Variants in CDKN2AIP observed in about 807,000 individuals in gnomAD.
CDKN2AIP encodes the protein CDKN2A interacting protein, also known as CDKN2A-interacting protein.
A neutral mutation model predicts 44.1 loss-of-function variants in CDKN2AIP; 12 were observed. The observed-to-expected ratio is 0.27, with a 90% CI of 0.17 to 0.44. The LOEUF (loss-of-function observed/expected upper bound fraction) is 0.44. Ranked by LOEUF, CDKN2AIP falls within the 20% of genes least tolerant of loss-of-function variation. CDKN2AIP has a pLI of 1.00. For missense variants in CDKN2AIP, 705 were observed against 681.6 expected, an observed-to-expected ratio of 1.03 and a Z score of -0.38; for synonymous variants, 291 against 272.1, an observed-to-expected ratio of 1.07 and a Z score of -0.68.
At position 183,448,547 on chromosome 4, in the gene CDKN2AIP, C is replaced by G. The variant is rs1349700533; in HGVS notation, c.*1120C>G. ...GCCTGTTTGTCTGTCATTGTATATT[C>G]TGTTTACTTTGCTTCAAACTGGCCC... is the stretch of plus-strand genomic sequence containing the variant. On this transcript the variant is annotated 3_prime_UTR_variant, in exon 3 of 3. Coordinates refer to ENST00000504169, the MANE Select transcript of CDKN2AIP (RefSeq NM_017632.4). 6.6e-6 allele frequency among the ~76,000 whole-genome samples: 1 copy of G among 152,074 alleles called. No individual in the cohort carries two copies. Among genetic ancestry groups the G allele is most frequent in the East Asian group, 1.9e-4 (1 of 5,202 alleles).
chr4:183,446,907 A>G lies in CDKN2AIP; in HGVS notation c.1223A>G (p.Gln408Arg), dbSNP rs1156745898. 1 of 1,614,210 alleles carries G rather than the reference A, an allele frequency of 6.2e-7. No individual in the cohort carries two copies. Among genetic ancestry groups the G allele is most frequent in the Non-Finnish European group, 8.5e-7 (1 of 1,180,022 alleles). ...AGTAGTTCTCAGACTAGCACCTCAC[A>G]GTTGCCTTCTAAAAGTACTTCACAG... ...SKSSSQTSTS[Q>R]LPSKSTSQSS... Residue 408 changes from glutamine to arginine, a missense_variant, in exon 3 of 3, where the codon CAG becomes CGG. Physicochemically the swap from Gln to Arg is conservative, Grantham distance 43. Around this residue, in one of 2 missense-constraint regions of CDKN2AIP, gnomAD observed 592 missense variants for 518.0 expected, o/e 1.14. Coordinates refer to ENST00000504169, the MANE Select transcript of CDKN2AIP (RefSeq NM_017632.4).
rs758351758 is a variant in CDKN2AIP, at chr4:183,446,707, C to G, written c.1023C>G (p.Gly341=). The G allele has an allele frequency of 6.2e-7, 1 of 1,614,166 alleles. No individual in the cohort carries two copies. Among genetic ancestry groups the G allele is most frequent in the South Asian group, 1.1e-5 (1 of 91,082 alleles). ...TTGCTAAAAACAGTTCCTCATCAGG[C>G]ACATCCTTACTGACTCCCAAGAGCA... The part of the protein sequence containing the change: ...SSVAKNSSSS[G]TSLLTPKSSS... The change falls in exon 3 of 3, where the codon GGC becomes GGG. Residue 341 remains glycine, a synonymous_variant. Coordinates refer to ENST00000504169, the MANE Select transcript of CDKN2AIP (RefSeq NM_017632.4).
intron 1 of CDKN2AIP, 158 bp from the exon 2 acceptor site, chr4:183,445,377 C>A (rs370738578): frequency 1.5e-6 from 1 of 652,642 alleles, no homozygotes; most frequent in Non-Finnish European, 2.6e-6. Context: ...CCTCCCAGAC[C>A]CTGGGGCACT....
In CDKN2AIP at chr4:183,444,752, C is replaced by G; in HGVS notation, c.-46C>G. The G allele has an allele frequency of 1.4e-6, 2 of 1,475,298 alleles. No individual in the cohort carries two copies. The highest frequency in any genetic ancestry group is 2.3e-5 in the Admixed American group (1 of 43,582). 91.4% of individuals were successfully genotyped at this position (1,475,298 alleles called of 1,614,324 possible). On this transcript the variant is annotated 5_prime_UTR_variant, in exon 1 of 3. Transcript: ENST00000504169. ...GACAGGGCCGCTCGCCCCGCTAGTC[C>G]TGCCTGTCTCCCGGTGCAGCTGTGT...
intron 1 of CDKN2AIP, 143 bp downstream of exon 1, chr4:183,445,212 A>AG (rs1211531829): frequency 1.0e-6 from 1 of 979,084 alleles, no homozygotes; most frequent in African/African-American, 1.6e-5. Flanking sequence ...CTGCCCTCTA[A>AG]GGGGGAGAAG....
Position 183,444,980 on chromosome 4 carries a change from C to T in CDKN2AIP, c.183C>T (p.Ala61=). ...GAASASTDEA[A]DAESGTRNRQ... ...CCTCCGCTAGCACGGATGAAGCTGC[C>T]GACGCCGAGAGCGGGACCCGAAACC... Residue 61 remains alanine, a synonymous_variant, in exon 1 of 3, where the codon GCC becomes GCT. Coordinates refer to ENST00000504169, the MANE Select transcript of CDKN2AIP (RefSeq NM_017632.4). 1 of 1,609,030 alleles carries T rather than the reference C, an allele frequency of 6.2e-7. No individual in the cohort carries two copies. The highest frequency in any genetic ancestry group is 8.5e-7 in the Non-Finnish European group (1 of 1,176,800).
Position 183,444,879 on chromosome 4 carries a change from A to G in CDKN2AIP, c.82A>G (p.Thr28Ala). 6.2e-7 allele frequency: 1 copy of G among 1,601,410 alleles called. No individual in the cohort carries two copies. The highest frequency in any genetic ancestry group is 8.5e-7 in the Non-Finnish European group (1 of 1,174,330). ...GGAGGCGCTGCGCTGCGACGGCGAGACTGACAAACACTGGCGCCACCGCCG... is the reference window on the plus strand; with the variant it reads ...GGAGGCGCTGCGCTGCGACGGCGAGGCTGACAAACACTGGCGCCACCGCCG... ...WVEALRCDGE[T>A]DKHWRHRRDF... The change falls in exon 1 of 3, where the codon ACT becomes GCT. Residue 28 changes from threonine (T) to alanine (A), a missense_variant. Transcript: ENST00000504169.
Position 183,446,265 on chromosome 4 carries a change from C to G in CDKN2AIP, c.581C>G (p.Ser194Cys), listed in dbSNP as rs748942087. ...GAGAGTGGGAACTCAGCTCGGAGCTCTGGCATCTCCAGTCAGAATAGCTCT... is the reference window on the plus strand; with the variant it reads ...GAGAGTGGGAACTCAGCTCGGAGCTGTGGCATCTCCAGTCAGAATAGCTCT... ...KSESGNSARS[S>C]GISSQNSSTS... The change falls in exon 3 of 3, where the codon TCT becomes TGT. Residue 194 changes from serine (S) to cysteine (C), a missense_variant. Physicochemically the swap from Ser to Cys is moderately radical, Grantham distance 112 (BLOSUM62 -1). Coordinates refer to ENST00000504169, the MANE Select transcript of CDKN2AIP (RefSeq NM_017632.4). 1.2e-6 allele frequency: 2 copies of G among 1,614,060 alleles called. No individual in the cohort carries two copies. The highest frequency in any genetic ancestry group is 8.5e-7 in the Non-Finnish European group (1 of 1,179,900).
chr4:183,444,743 C>T lies in CDKN2AIP; in HGVS notation c.-55C>T, dbSNP rs577468220. 1.5e-4 allele frequency: 220 copies of T among 1,458,162 alleles called. 1 individual carries two copies. The African/African-American group carries it at 3.0e-3, about 20-fold the overall frequency. 90.3% of individuals were successfully genotyped at this position (1,458,162 alleles called of 1,614,324 possible). On this transcript the variant is annotated 5_prime_UTR_variant, in exon 1 of 3. Coordinates refer to ENST00000504169, the MANE Select transcript of CDKN2AIP (RefSeq NM_017632.4). Reference sequence around the variant, plus strand: ...GGCCGCAGTGACAGGGCCGCTCGCCCCGCTAGTCCTGCCTGTCTCCCGGTG... The same window carrying T: ...GGCCGCAGTGACAGGGCCGCTCGCCTCGCTAGTCCTGCCTGTCTCCCGGTG...
At chr4:183,445,149 A>G (rs1733638863) in intron 1 of CDKN2AIP, 80 bp downstream of exon 1, 2 of 1,486,382 alleles carry the variant, frequency 1.3e-6, no homozygotes. Flanking sequence ...CCTCCGCGGG[A>G]CCGGCCTCGG....
chr4:183,446,632 A>C lies in CDKN2AIP; in HGVS notation c.948A>C (p.Ser316=), dbSNP rs1463380923. ...CCAAACCTAGTTCAGAGACAGCTTC[A>C]AGTGGGTTAACTTCCAAAACTAGTT... ...LSSKPSSETA[S]SGLTSKTSSE... is the part of the protein sequence containing the mutation. Residue 316 remains serine (S), a synonymous_variant, in exon 3 of 3, where the codon TCA becomes TCC. Coordinates refer to ENST00000504169, the MANE Select transcript of CDKN2AIP (RefSeq NM_017632.4). 1 of 1,614,008 alleles carries C rather than the reference A, an allele frequency of 6.2e-7. No individual in the cohort carries two copies. Among genetic ancestry groups the C allele is most frequent in the East Asian group, 2.2e-5 (1 of 44,878 alleles).
Position 183,445,655 on chromosome 4 carries a change from G to T in CDKN2AIP, c.393G>T (p.Ser131=). The T allele has an allele frequency of 1.2e-6, 2 of 1,610,608 alleles. No homozygotes were observed. The highest frequency in any genetic ancestry group is 1.1e-5 in the South Asian group (1 of 90,982). The change falls in exon 2 of 3, where the codon TCG becomes TCT. Residue 131 remains serine, a synonymous_variant. Transcript: ENST00000504169. ...CCAAGGTGAAGAAAAGAGGGATATC[G>T]AGTAGCAATGGTTAGCAGATCATAG... ...LVAKVKKRGI[S]SSNEGVEEPS...
Position 183,447,560 on chromosome 4 carries a change from G to A in CDKN2AIP, c.*133G>A, listed in dbSNP as rs1320614043. 3.2e-6 allele frequency: 2 copies of A among 620,830 alleles called. No individual in the cohort carries two copies. Among genetic ancestry groups the A allele is most frequent in the Non-Finnish European group, 5.6e-6 (2 of 359,744 alleles). 38.5% of individuals were successfully genotyped at this position (620,830 alleles called of 1,614,324 possible). A position where few individuals can be genotyped will look rare whatever the true frequency, so the allele number is the denominator to read the frequency against. The stretch of plus-strand genomic sequence containing the variant: ...AGTTTTGCAGAAAATTTACATTCTA[G>A]TTCTCTTCACACAGTAGCAGTTGTA... On this transcript the variant is annotated 3_prime_UTR_variant, in exon 3 of 3. Coordinates refer to ENST00000504169, the MANE Select transcript of CDKN2AIP (RefSeq NM_017632.4).
In CDKN2AIP at chr4:183,445,851, T is replaced by G. The variant is rs533392580; in HGVS notation, c.403+186T>G. The G allele has an allele frequency of 2.0e-4, 128 of 643,950 alleles. No individual in the cohort carries two copies. In the African/African-American group the frequency reaches 2.3e-3, roughly 12 times the overall value. 39.9% of individuals were successfully genotyped at this position (643,950 alleles called of 1,614,324 possible). A position where few individuals can be genotyped will look rare whatever the true frequency, so the allele number is the denominator to read the frequency against. On this transcript the variant is annotated intron_variant, in intron 2 of 2. Coordinates refer to ENST00000504169, the MANE Select transcript of CDKN2AIP (RefSeq NM_017632.4). ...AGGCTTTGAATTTGATAGTTTGCTT[T>G]GACTGCTTTAGATTTTGAAGTGTCC...
chr4:183,447,326 A>G lies in CDKN2AIP; in HGVS notation c.1642A>G (p.Lys548Glu). The G allele has an allele frequency of 6.2e-7, 1 of 1,611,436 alleles. No individual in the cohort carries two copies. The highest frequency in any genetic ancestry group is 8.5e-7 in the Non-Finnish European group (1 of 1,178,852). The change falls in exon 3 of 3, where the codon AAA (lysine) becomes GAA (glutamate). Residue 548 changes from lysine (K) to glutamate (E), a missense_variant. Coordinates refer to ENST00000504169, the MANE Select transcript of CDKN2AIP (RefSeq NM_017632.4). ...GGTGGTGGTAAAAATATGTAAAAGG[A>G]AATACAGAGGCAGTGAAATAGAAGA... ...KKVVVKICKR[K>E]YRGSEIEDLV... is the part of the protein sequence containing the mutation.
At position 183,446,894 on chromosome 4, in the gene CDKN2AIP, A is replaced by G. The variant is rs1579141412; in HGVS notation, c.1210A>G (p.Thr404Ala). 1 of 1,614,178 alleles carries G rather than the reference A, an allele frequency of 6.2e-7. No homozygotes were observed. Among genetic ancestry groups the G allele is most frequent in the East Asian group, 2.2e-5 (1 of 44,892 alleles). Residue 404 changes from threonine to alanine, a missense_variant, in exon 3 of 3, where the codon ACT (threonine) becomes GCT (alanine). Around this residue, in one of 2 missense-constraint regions of CDKN2AIP, gnomAD observed 592 missense variants for 518.0 expected, o/e 1.14. Transcript: ENST00000504169. ...SQLASKSSSQ[T>A]STSQLPSKST... Reference sequence around the variant, plus strand: ...GTTGGCTTCTAAGAGTAGTTCTCAGACTAGCACCTCACAGTTGCCTTCTAA... The same window carrying G: ...GTTGGCTTCTAAGAGTAGTTCTCAGGCTAGCACCTCACAGTTGCCTTCTAA...
At position 183,445,197 on chromosome 4, in the gene CDKN2AIP, C is replaced by T. The variant is rs1733640431; in HGVS notation, c.272+128C>T. 21 of 1,194,156 alleles carry T rather than the reference C, an allele frequency of 1.8e-5. 1 individual carries two copies. Among genetic ancestry groups the T allele is most frequent in the South Asian group, 9.0e-5 (6 of 66,584 alleles). 74.0% of individuals were successfully genotyped at this position (1,194,156 alleles called of 1,614,324 possible). ...GTTGTGAAGCGCGGGAATCCGCCGG[C>T]CCGGCTGCCCTCTAAGGGGGAGAAG... is the stretch of plus-strand genomic sequence containing the variant. On this transcript the variant is annotated intron_variant, in intron 1 of 2. Transcript: ENST00000504169.
rs201076176 is a variant in CDKN2AIP, at chr4:183,446,823, G to C, written c.1139G>C (p.Ser380Thr). The part of the protein sequence containing the change: ...LLASKSSSQT[S>T]GSLVSKSTSL... ...GCTTCCAAGAGCAGCTCCCAGACCA[G>C]TGGATCTCTGGTTTCCAAAAGCACT... is the stretch of plus-strand genomic sequence containing the variant. Residue 380 changes from serine (S) to threonine (T), a missense_variant, in exon 3 of 3, where the codon AGT (serine) becomes ACT (threonine). Coordinates refer to ENST00000504169, the MANE Select transcript of CDKN2AIP (RefSeq NM_017632.4). 6.2e-7 allele frequency: 1 copy of C among 1,614,170 alleles called. No individual in the cohort carries two copies. The highest frequency in any genetic ancestry group is 1.3e-5 in the African/African-American group (1 of 75,050).
At position 183,446,482 on chromosome 4, in the gene CDKN2AIP, T is replaced by C; in HGVS notation, c.798T>C (p.Ser266=). The C allele has an allele frequency of 6.2e-7, 1 of 1,613,916 alleles. No individual in the cohort carries two copies. The highest frequency in any genetic ancestry group is 1.1e-5 in the South Asian group (1 of 91,080). The change falls in exon 3 of 3, where the codon AGT becomes AGC. Residue 266 remains serine, a synonymous_variant. Transcript: ENST00000504169. ...AATCCACTGATTCTAGACAACAAAGTGGATCACCTAAAAAGAGTGCTTTGG... is the reference window on the plus strand; with the variant it reads ...AATCCACTGATTCTAGACAACAAAGCGGATCACCTAAAAAGAGTGCTTTGG... The part of the protein sequence containing the change: ...MTQSTDSRQQ[S]GSPKKSALEG...
Sources: gnomAD v4.1 joint callset for allele counts (sites outside exome capture counted in the v4.1 genomes callset) on GRCh38, gnomAD v4.1.1 for gene constraint, gnomAD v4.1.1 regional missense constraint, MANE v1.5 for transcripts, NCBI Gene and HGNC (gene_info 2026-07-23, HGNC 2026-07-21) for gene names.